The following ZSWIM4 variants were observed in gnomAD, a reference collection of about 807,000 sequenced individuals.
ZSWIM4 encodes zinc finger SWIM-type containing 4.
ZSWIM4 carries 62 observed loss-of-function variants against 102.5 expected under a neutral mutation model. The observed-to-expected ratio is 0.60, with a 90% CI of 0.49 to 0.75. ZSWIM4 has a LOEUF of 0.75. Ranked by LOEUF, ZSWIM4 falls within the 30% of genes least tolerant of loss-of-function variation. The pLI is 0.00. For missense variants in ZSWIM4, 1,280 were observed against 1,529.6 expected (o/e 0.84, Z 2.72); for synonymous variants, 652 against 674.5 (o/e 0.97, Z 0.52).
intron 12 of ZSWIM4, 123 bp from the exon 13 acceptor site, chr19:13,828,522 A>T: frequency 2.9e-6 from 2 of 682,872 alleles, no homozygotes; most frequent in Non-Finnish European, 5.2e-6. Context: ...GAGATCACTT[A>T]CCCGGGTTCA....
chr19:13,800,241 T>C (rs1974727916), intron 2 of ZSWIM4, among the ~76,000 whole-genome samples: 2 of 88,054 alleles, frequency 2.3e-5, no homozygotes, highest in Non-Finnish European at 4.0e-5. Flanking sequence ...ATTTTTTGTA[T>C]TTCTTTTTTT....
chr19:13,812,931 C>G, intron 5 of ZSWIM4, 66 bp from the exon 6 acceptor site: 2 of 1,497,674 alleles, frequency 1.3e-6, no homozygotes, highest in Non-Finnish European at 1.8e-6. Flanking sequence ...ACACAGTGGG[C>G]ACTGCGGAAG....
At chr19:13,821,065 C>T (rs1042898084) in intron 10 of ZSWIM4, among the ~76,000 whole-genome samples, 4 of 152,120 alleles carry the variant, frequency 2.6e-5, no homozygotes, top group Non-Finnish European at 5.9e-5. Flanking sequence ...GGACGGATCA[C>T]CTGAGGTCAT....
In ZSWIM4 at chr19:13,799,920, G is replaced by A. The variant is rs1429054287; in HGVS notation, c.354G>A (p.Val118=). ...GGGCCGTGGACCGCGTGTTGCAAGT[G>A]GGTGAGTCTTTGTCCCCCACTCCTG... The part of the protein sequence containing the change: ...QSGAVDRVLQ[V]GFHLSGNIRE... Residue 118 remains valine (V), a splice_region_variant and synonymous_variant, in exon 2 of 14, where the codon GTG becomes GTA. Coordinates refer to ENST00000590508, the MANE Select transcript of ZSWIM4 (RefSeq NM_001367834.3). The A allele has an allele frequency of 6.2e-7, 1 of 1,609,132 alleles. No individual in the cohort carries two copies. The highest frequency in any genetic ancestry group is 2.2e-5 in the East Asian group (1 of 44,880).
At chr19:13,804,025 C>A (rs1974846060) in intron 2 of ZSWIM4, among the ~76,000 whole-genome samples, 1 of 150,426 alleles carries the variant, frequency 6.6e-6, no homozygotes, top group Non-Finnish European at 1.5e-5. Flanking sequence ...CCATGCCCGG[C>A]TAATTTTTTT....
At chr19:13,806,735 G>A (rs1302904462) in intron 3 of ZSWIM4, among the ~76,000 whole-genome samples, 1 of 152,080 alleles carries the variant, frequency 6.6e-6, no homozygotes, top group African/African-American at 2.4e-5. Flanking sequence ...GTGGTTGGGT[G>A]GGGAGGGCTT....
chr19:13,807,597 T>TGGATGGAC (rs1475416880), intron 3 of ZSWIM4, among the ~76,000 whole-genome samples: 2 of 151,302 alleles, frequency 1.3e-5, no homozygotes. Context: ...GATGGATGGA[T>TGGATGGAC]GGATGGATGG....
rs184428648 is a variant in ZSWIM4 at position 13,797,173 on chromosome 19, C to A, written c.153+1372C>A. 5.0e-3 allele frequency among the ~76,000 whole-genome samples: 766 copies of A among 152,326 alleles called. 4 individuals are homozygous for A. Among genetic ancestry groups the A allele is most frequent in the Non-Finnish European group, 8.8e-3 (601 of 68,028 alleles). ...AGAAGCTCATGGAATCCCCTGCAAC[C>A]CTTTGGCAGTTGTTCTTGTTCCCAC... On this transcript the variant is annotated intron_variant, in intron 1 of 13. Coordinates refer to ENST00000590508, the MANE Select transcript of ZSWIM4 (RefSeq NM_001367834.3).
rs1975591759 is a variant in ZSWIM4, at chr19:13,825,741, G to A, written c.2379+28G>A. On this transcript the variant is annotated intron_variant, in intron 12 of 13. Coordinates refer to ENST00000590508, the MANE Select transcript of ZSWIM4 (RefSeq NM_001367834.3). This position sits in a 1 kb window ranked among gnomAD's most constrained non-coding sequence, Gnocchi z 4.6. ...GAGGGCTGCCAGGTGGATGCGGGAGGGCGATGGTGGCTCGGGGCCAGGACT... is the reference window on the plus strand; with the variant it reads ...GAGGGCTGCCAGGTGGATGCGGGAGAGCGATGGTGGCTCGGGGCCAGGACT... 1.3e-6 allele frequency: 2 copies of A among 1,592,912 alleles called. No individual in the cohort carries two copies. The highest frequency in any genetic ancestry group is 1.7e-5 in the Admixed American group (1 of 59,380).
At chr19:13,810,216 C>T (rs1385956986) in intron 5 of ZSWIM4, among the ~76,000 whole-genome samples, 3 of 152,058 alleles carry the variant, frequency 2.0e-5, no homozygotes, top group Non-Finnish European at 2.9e-5. Context: ...GCAGGGTTGT[C>T]TTGATCTCCT....
chr19:13,808,992 G>A lies in ZSWIM4; in HGVS notation c.861+8G>A. 1 of 1,610,072 alleles carries A rather than the reference G, an allele frequency of 6.2e-7. No individual in the cohort carries two copies. Among genetic ancestry groups the A allele is most frequent in the African/African-American group, 1.3e-5 (1 of 74,970 alleles). ...CGCTCCATGTTCAGCAAGGTGCCGT[G>A]CGGGCCGGCGGGGCGCGGGGTGCAG... On this transcript the variant is annotated splice_region_variant and intron_variant, in intron 4 of 13. Coordinates refer to ENST00000590508, the MANE Select transcript of ZSWIM4 (RefSeq NM_001367834.3).
At chr19:13,822,288 A>AT (rs1975489242) in intron 10 of ZSWIM4, among the ~76,000 whole-genome samples, 1 of 151,900 alleles carries the variant, frequency 6.6e-6, no homozygotes, top group African/African-American at 2.4e-5. Context: ...CTATGCAAGA[A>AT]TTTTTTTTCT....
chr19:13,816,731 G>A (rs780607246), intron 7 of ZSWIM4, among the ~76,000 whole-genome samples: 16 of 152,216 alleles, frequency 1.1e-4, no homozygotes, highest in Non-Finnish European at 1.8e-4. Context: ...GCAGCAGCCA[G>A]GAGGGAAGAG....
intron 10 of ZSWIM4, among the ~76,000 whole-genome samples, chr19:13,820,118 C>T (rs776739268): frequency 6.6e-6 from 1 of 152,036 alleles, no homozygotes; most frequent in African/African-American, 2.4e-5. Context: ...CATGTTGTCT[C>T]GAACTCCTGA....
At chr19:13,820,747 G>C (rs1331058099) in intron 10 of ZSWIM4, among the ~76,000 whole-genome samples, 1 of 152,128 alleles carries the variant, frequency 6.6e-6, no homozygotes, top group East Asian at 1.9e-4. Context: ...TTTTATACCA[G>C]TGGTACATCC....
intron 2 of ZSWIM4, 144 bp downstream of exon 2, chr19:13,800,065 A>ATTGTTTTTTTTTTTTTT: frequency 3.0e-6 from 1 of 334,366 alleles, no homozygotes; most frequent in African/African-American, 4.7e-5. Flanking sequence ...ATTGTACAAG[A>ATTGTTTTTTTTTTTTTT]TTTTTTTTTT....
At position 13,830,873 on chromosome 19, in the gene ZSWIM4, C is replaced by T; in HGVS notation, c.3144C>T (p.Leu1048=). The T allele has an allele frequency of 1.2e-6, 2 of 1,614,104 alleles. No homozygotes were observed. The highest frequency in any genetic ancestry group is 1.7e-6 in the Non-Finnish European group (2 of 1,179,966). ...ACATCACCACCAGCCACTCGCGCCT[C>T]ACGCACATCAGCCCGCGGCACTATG... The part of the protein sequence containing the change: ...TAYITTSHSR[L]THISPRHYGD... The change falls in exon 14 of 14, where the codon CTC becomes CTT. Residue 1048 remains leucine, a synonymous_variant. Coordinates refer to ENST00000590508, the MANE Select transcript of ZSWIM4 (RefSeq NM_001367834.3).
In ZSWIM4 at chr19:13,805,130, G is replaced by A. The variant is rs145598293; in HGVS notation, c.694G>A (p.Glu232Lys). Residue 232 changes from glutamate (E) to lysine (K), a missense_variant, in exon 3 of 14, where the codon GAG becomes AAG. By Grantham distance (56) the Glu-to-Lys change is moderately conservative. Coordinates refer to ENST00000590508, the MANE Select transcript of ZSWIM4 (RefSeq NM_001367834.3). ...TGATGAGATCCTCCTGCTGGGCTCC[G>A]AGATCAACTTGGTGAATGGTAAGGG... ...LADEILLLGS[E>K]INLVNGAPDP... is the part of the protein sequence containing the mutation. The A allele has an allele frequency of 5.7e-5, 91 of 1,597,974 alleles. No homozygotes were observed. The highest frequency in any genetic ancestry group is 1.0e-4 in the Admixed American group (6 of 59,972).
chr19:13,822,346 C>T (rs914050703), intron 10 of ZSWIM4, among the ~76,000 whole-genome samples: 5 of 152,096 alleles, frequency 3.3e-5, no homozygotes, highest in Admixed American at 3.3e-4. Flanking sequence ...CACCTGTTTT[C>T]GTACAGCCCA....
Sources: gnomAD v4.1 joint callset for allele counts (sites outside exome capture counted in the v4.1 genomes callset) on GRCh38, gnomAD v4.1.1 for gene constraint, Gnocchi (gnomAD v3.1) non-coding constraint, MANE v1.5 for transcripts, NCBI Gene and HGNC (gene_info 2026-07-23, HGNC 2026-07-21) for gene names.